Variants in NFXL1 observed in about 807,000 individuals in gnomAD.
NFXL1 encodes NF-X1-type zinc finger protein NFXL1.
A neutral mutation model predicts 123.3 loss-of-function variants in NFXL1; 66 were observed. That is an observed-to-expected ratio of 0.54 (90% CI 0.44 to 0.66). NFXL1 has a LOEUF of 0.66. NFXL1 is among the 30% of genes least tolerant of loss of function. The pLI, the probability that NFXL1 is intolerant of heterozygous loss-of-function variation, is 0.00. For missense variants in NFXL1, 944 were observed against 1,125.6 expected, an observed-to-expected ratio of 0.84 and a Z score of 2.31; for synonymous variants, 346 against 360.8, an observed-to-expected ratio of 0.96 and a Z score of 0.46.
intron 3 of NFXL1, among the ~76,000 whole-genome samples, chr4:47,908,069 T>C (rs1737641749): frequency 6.6e-6 from 1 of 152,206 alleles, no homozygotes; most frequent in Non-Finnish European, 1.5e-5. Context: ...GGCAACTATC[T>C]AATCACCAAG....
chr4:47,898,834 C>T lies in NFXL1; in HGVS notation c.1012G>A (p.Val338Ile), dbSNP rs776873348. 2 of 1,613,854 alleles carry T rather than the reference C, an allele frequency of 1.2e-6. No homozygotes were observed. Among genetic ancestry groups the T allele is most frequent in the East Asian group, 2.2e-5 (1 of 44,882 alleles). Residue 338 changes from valine to isoleucine, a missense_variant, in exon 8 of 23, where the codon GTT becomes ATT. Physicochemically the swap from Val to Ile is conservative, Grantham distance 29. This residue lies in a region of NFXL1 where 296 missense variants were observed against 395.1 expected (regional missense o/e 0.75). Transcript: ENST00000507489. Reference sequence around the variant, plus strand: ...CCACAGACACACTTTTGTCTACTAACTCTTGGACAAGGCTGACAGCTTCCT... The same window carrying T: ...CCACAGACACACTTTTGTCTACTAATTCTTGGACAAGGCTGACAGCTTCCT... The part of the protein sequence containing the change: ...HAGSCQPCPR[V>I]SRQKCVCGKK...
intron 15 of NFXL1, among the ~76,000 whole-genome samples, chr4:47,883,557 C>G (rs1393672540): frequency 6.6e-6 from 1 of 152,196 alleles, no homozygotes; most frequent in Non-Finnish European, 1.5e-5. Flanking sequence ...TAAAATTACC[C>G]TATTTGTGCA....
chr4:47,905,380 A>C, intron 3 of NFXL1, 34 bp from the exon 4 acceptor site: 1 of 1,036,224 alleles, frequency 9.7e-7, no homozygotes, highest in East Asian at 2.4e-5. Context: ...CTCACCCTAA[A>C]CAACATCTGA....
chr4:47,909,802 G>C (rs903203531), intron 3 of NFXL1, among the ~76,000 whole-genome samples: 1 of 151,926 alleles, frequency 6.6e-6, no homozygotes, highest in Non-Finnish European at 1.5e-5. Context: ...GGGATTACAG[G>C]TGTGTGCCAC....
At chr4:47,882,120 G>A (rs1046482511) in intron 15 of NFXL1, 1 of 151,992 alleles carries the variant, frequency 6.6e-6, no homozygotes, top group Non-Finnish European at 1.5e-5. Flanking sequence ...AGAGAAAACT[G>A]TGGTATGGGG....
chr4:47,888,876 T>C (rs1286769845), intron 12 of NFXL1, among the ~76,000 whole-genome samples: 1 of 152,192 alleles, frequency 6.6e-6, no homozygotes, highest in Non-Finnish European at 1.5e-5. Context: ...AAGTTACTTA[T>C]GAGACAACAA....
intron 17 of NFXL1, among the ~76,000 whole-genome samples, chr4:47,876,723 G>C (rs988366491): frequency 2.0e-5 from 3 of 152,092 alleles, no homozygotes; most frequent in Non-Finnish European, 4.4e-5. Flanking sequence ...TAGAAATGTT[G>C]GTTAGGAAAT....
chr4:47,875,141 C>T lies in NFXL1; in HGVS notation c.2232G>A (p.Leu744=). ...AGTCTACTTACCTACATTCCACATA[C>T]AGGCTTGTGATCTTACAGTGACATT... ...RIKCHCKITS[L]YVECRKITTA... is the part of the protein sequence containing the mutation. Residue 744 remains leucine, a synonymous_variant, in exon 18 of 23, where the codon CTG becomes CTA. Coordinates refer to ENST00000507489, the MANE Select transcript of NFXL1 (RefSeq NM_001278624.2). The T allele has an allele frequency of 1.2e-6, 2 of 1,608,192 alleles. No homozygotes were observed. The highest frequency in any genetic ancestry group is 8.5e-7 in the Non-Finnish European group (1 of 1,175,766).
At chr4:47,902,941 G>A (rs114826581) in intron 5 of NFXL1, among the ~76,000 whole-genome samples, 1,835 of 152,218 alleles carry the variant, frequency 0.012, 12 homozygotes, top group Non-Finnish European at 0.02. Flanking sequence ...GTCACCTGAG[G>A]TCAGGAGTTC....
Position 47,848,053 on chromosome 4 carries a change from G to C in NFXL1, c.*110C>G, listed in dbSNP as rs1733908921. ...TTCTAACAACAGCTGAGAGAATACA[G>C]AGATGAATGTAAATATATATCATGT... On this transcript the variant is annotated 3_prime_UTR_variant, in exon 23 of 23. Coordinates refer to ENST00000507489, the MANE Select transcript of NFXL1 (RefSeq NM_001278624.2). 1.5e-5 allele frequency: 10 copies of C among 653,934 alleles called. No individual in the cohort carries two copies. In the South Asian group the frequency reaches 2.2e-4, roughly 14 times the overall value. The allele number at this position is 653,934 out of a possible 1,614,324, so 40.5% of individuals were successfully genotyped here. A position where few individuals can be genotyped will look rare whatever the true frequency, so the allele number is the denominator to read the frequency against.
chr4:47,906,348 G>C (rs2110106359), intron 3 of NFXL1, among the ~76,000 whole-genome samples: 1 of 152,166 alleles, frequency 6.6e-6, no homozygotes, highest in African/African-American at 2.4e-5. Flanking sequence ...GCAATAACGT[G>C]GTTCAAGCCA....
At chr4:47,852,146 T>C (rs1734152349) in intron 20 of NFXL1, 1 of 453,204 alleles carries the variant, frequency 2.2e-6, no homozygotes, top group Non-Finnish European at 3.9e-6. Flanking sequence ...AAAAAGAGAA[T>C]ACCATAAAAT....
At chr4:47,913,403 G>A (rs749949532) in intron 2 of NFXL1, among the ~76,000 whole-genome samples, 1 of 152,174 alleles carries the variant, frequency 6.6e-6, no homozygotes, top group Non-Finnish European at 1.5e-5. Context: ...AAAAGCTCAA[G>A]TGCTTACAAG....
At chr4:47,887,939 G>A (rs1197918406) in intron 12 of NFXL1, among the ~76,000 whole-genome samples, 1 of 151,972 alleles carries the variant, frequency 6.6e-6, no homozygotes, top group Non-Finnish European at 1.5e-5. Flanking sequence ...GATTCGGGTA[G>A]TTCTAAAACT....
At chr4:47,893,078 T>G (rs1005461376) in intron 11 of NFXL1, among the ~76,000 whole-genome samples, 9 of 151,864 alleles carry the variant, frequency 5.9e-5, no homozygotes, top group African/African-American at 1.9e-4. Flanking sequence ...ACTTCTCAGA[T>G]GAAAAACACA....
intron 5 of NFXL1, among the ~76,000 whole-genome samples, chr4:47,900,729 A>C (rs1269693705): frequency 1.3e-5 from 2 of 152,376 alleles, no homozygotes; most frequent in East Asian, 3.8e-4. Flanking sequence ...ATTATGCTAG[A>C]ACAAGTTTCA....
At chr4:47,876,377 A>C (rs1264946434) in intron 17 of NFXL1, among the ~76,000 whole-genome samples, 2 of 152,130 alleles carry the variant, frequency 1.3e-5, no homozygotes, top group Non-Finnish European at 2.9e-5. Flanking sequence ...TGTGAATAGA[A>C]ATTGAGTTAA....
chr4:47,875,000 A>G lies in NFXL1; in HGVS notation c.2246+127T>C, dbSNP rs1048574438. ...GTAGTATTCTACATGTCTTCCTTCC[A>G]GGTCTCTACTGGAAAATCTAGGCAT... On this transcript the variant is annotated intron_variant, in intron 18 of 22. Coordinates refer to ENST00000507489, the MANE Select transcript of NFXL1 (RefSeq NM_001278624.2). 26 of 488,890 alleles carry G rather than the reference A, an allele frequency of 5.3e-5. No homozygotes were observed. The Admixed American group carries it at 8.7e-4, about 16-fold the overall frequency. The allele number at this position is 488,890 out of a possible 1,614,324, so 30.3% of individuals were successfully genotyped here. A position where few individuals can be genotyped will look rare whatever the true frequency, so the allele number is the denominator to read the frequency against.
At chr4:47,864,745 G>C (rs1467922467) in intron 18 of NFXL1, among the ~76,000 whole-genome samples, 1 of 152,120 alleles carries the variant, frequency 6.6e-6, no homozygotes, top group African/African-American at 2.4e-5. Flanking sequence ...GGTGGGGCAG[G>C]GGTAGGAATG....
Sources: allele counts gnomAD v4.1 joint callset (sites outside exome capture counted in the v4.1 genomes callset), GRCh38; gene constraint gnomAD v4.1.1; regional missense constraint gnomAD v4.1.1; transcripts MANE v1.5; gene names NCBI Gene and HGNC (gene_info 2026-07-23, HGNC 2026-07-21).